Variants in SRP54 observed in about 807,000 individuals in gnomAD.
The protein encoded by SRP54 is signal recognition particle 54.
Under a neutral mutation model 64.8 loss-of-function variants are expected in SRP54, and 10 were observed. That is an observed-to-expected ratio of 0.15 (90% CI 0.10 to 0.26). The LOEUF (loss-of-function observed/expected upper bound fraction) is 0.26, where lower values mean the gene tolerates loss of function less well. SRP54 is among the 10% of genes least tolerant of loss of function. SRP54 has a pLI of 1.00. For synonymous variants in SRP54, 193 were observed against 185.6 expected, an observed-to-expected ratio of 1.04 and a Z score of -0.32; for missense variants, 325 against 613.7, an observed-to-expected ratio of 0.53 and a Z score of 4.97.
At chr14:35,013,923 A>C in intron 10 of SRP54, 21 bp downstream of exon 10, 1 of 1,517,454 alleles carries the variant, frequency 6.6e-7, no homozygotes, top group Non-Finnish European at 9.1e-7. Flanking sequence ...TGGTGGGGAT[A>C]TAGAAAAATC....
In SRP54 at chr14:35,013,362, T is replaced by C; in HGVS notation, c.653T>C (p.Val218Ala). The change falls in exon 9 of 16, where the codon GTT becomes GCT. Residue 218 changes from valine (V) to alanine (A), a missense_variant. Val to Ala is a moderately conservative substitution (Grantham distance 64, BLOSUM62 0). Around this residue, in one of 3 missense-constraint regions of SRP54, gnomAD observed 156 missense variants for 254.6 expected, o/e 0.61. Coordinates refer to ENST00000216774, the MANE Select transcript of SRP54 (RefSeq NM_003136.4). Reference sequence around the variant, plus strand: ...ACTTTCTAGCAACCTGATAACATTGTTTATGTGATGGATGCCTCCATTGGG... The same window carrying C: ...ACTTTCTAGCAACCTGATAACATTGCTTATGTGATGGATGCCTCCATTGGG... ...VANAIQPDNI[V>A]YVMDASIGQA... 2 of 1,613,502 alleles carry C rather than the reference T, an allele frequency of 1.2e-6. No individual in the cohort carries two copies. The highest frequency in any genetic ancestry group is 2.7e-5 in the African/African-American group (2 of 75,008).
At chr14:34,994,295 G>C (rs989651793) in intron 1 of SRP54, among the ~76,000 whole-genome samples, 11 of 152,096 alleles carry the variant, frequency 7.2e-5, no homozygotes, top group Non-Finnish European at 1.2e-4. Flanking sequence ...CACCACGCCT[G>C]GTGCTGTTTC....
At chr14:34,983,781 C>T (rs748962286) in intron 1 of SRP54, among the ~76,000 whole-genome samples, 2 of 152,172 alleles carry the variant, frequency 1.3e-5, no homozygotes, top group Admixed American at 6.5e-5. Flanking sequence ...TATACTTGTT[C>T]TTGGCTACAA....
chr14:35,008,703 T>G lies in SRP54; in HGVS notation c.427+10T>G. ...GACACATTCAGAGCAGGTAATGTCT[T>G]GAAATTTGAAAATTGTTTTATATAA... On this transcript the variant is annotated intron_variant, in intron 6 of 15. Coordinates refer to ENST00000216774, the MANE Select transcript of SRP54 (RefSeq NM_003136.4). The G allele has an allele frequency of 6.2e-7, 1 of 1,606,104 alleles. No homozygotes were observed. Among genetic ancestry groups the G allele is most frequent in the Non-Finnish European group, 8.5e-7 (1 of 1,176,968 alleles).
chr14:35,011,789 T>A (rs930681070), intron 8 of SRP54, 130 bp downstream of exon 8: 2 of 762,608 alleles, frequency 2.6e-6, no homozygotes, highest in Non-Finnish European at 3.8e-6. Context: ...TATTTTTGTT[T>A]TGGGCACCTA....
chr14:35,006,399 GT>G (rs2044258809), intron 4 of SRP54, among the ~76,000 whole-genome samples: 1 of 152,112 alleles, frequency 6.6e-6, no homozygotes, highest in Non-Finnish European at 1.5e-5. Context: ...GCCACATGTG[GT>G]TATTGAGCAT....
Position 35,013,656 on chromosome 14 carries a change from T to C in SRP54, c.786-146T>C, listed in dbSNP as rs752818187. The C allele has an allele frequency of 3.8e-5, 40 of 1,040,066 alleles. No individual in the cohort carries two copies. The African/African-American group carries it at 5.3e-4, about 14-fold the overall frequency. The allele number at this position is 1,040,066 out of a possible 1,614,324, so 64.4% of individuals were successfully genotyped here. On this transcript the variant is annotated intron_variant, in intron 9 of 15. Transcript: ENST00000216774. ...AAACAATTTTGGAGCCTGTCTGATA[T>C]AGGTCTATTATAACTTGTGAAATGA...
At chr14:34,992,855 C>CTTATTTAT (rs139297978) in intron 1 of SRP54, among the ~76,000 whole-genome samples, 26 of 151,404 alleles carry the variant, frequency 1.7e-4, no homozygotes, top group African/African-American at 5.6e-4. Flanking sequence ...ACTAGTATGG[C>CTTATTTAT]TTATTTATTT....
intron 1 of SRP54, among the ~76,000 whole-genome samples, chr14:34,994,496 C>G (rs774932874): frequency 6.6e-6 from 1 of 152,104 alleles, no homozygotes; most frequent in Non-Finnish European, 1.5e-5. Context: ...CCTTTGAAAT[C>G]TCTGTTTCCT....
In SRP54 at chr14:35,001,442, C is replaced by T. The variant is rs1436571718; in HGVS notation, c.255+422C>T. Among the ~76,000 whole-genome samples the T allele has an allele frequency of 2.6e-5, 4 of 152,288 alleles. No individual in the cohort carries two copies. In the South Asian group the frequency reaches 6.2e-4, roughly 24 times the overall value. Reference sequence around the variant, plus strand: ...CTGGGATTATAGGTGTGAACCACTGCACCTGGCCAGGACCTATTTTTATTG... The same window carrying T: ...CTGGGATTATAGGTGTGAACCACTGTACCTGGCCAGGACCTATTTTTATTG... On this transcript the variant is annotated intron_variant, in intron 4 of 15. Coordinates refer to ENST00000216774, the MANE Select transcript of SRP54 (RefSeq NM_003136.4).
At chr14:34,990,309 TAGC>T (rs756902364) in intron 1 of SRP54, among the ~76,000 whole-genome samples, 3 of 152,202 alleles carry the variant, frequency 2.0e-5, no homozygotes, top group Non-Finnish European at 2.9e-5. Context: ...TATTATAGCA[TAGC>T]AGCAAAATTT....
intron 13 of SRP54, among the ~76,000 whole-genome samples, chr14:35,021,440 G>A (rs531496147): frequency 6.6e-6 from 1 of 152,164 alleles, no homozygotes; most frequent in Non-Finnish European, 1.5e-5. Flanking sequence ...GACCAGCCTG[G>A]GCAACATGGT....
At chr14:35,002,488 A>C (rs2044190539) in intron 4 of SRP54, among the ~76,000 whole-genome samples, 2 of 151,426 alleles carry the variant, frequency 1.3e-5, no homozygotes. Context: ...GCTGAAGTGC[A>C]ATGGCATGAT....
chr14:35,018,127 T>C (rs943465064), intron 11 of SRP54, among the ~76,000 whole-genome samples: 3 of 152,202 alleles, frequency 2.0e-5, no homozygotes, highest in Non-Finnish European at 4.4e-5. Context: ...ATTCTGAGTA[T>C]ATCGTTTTTC....
intron 1 of SRP54, among the ~76,000 whole-genome samples, chr14:34,984,942 T>C (rs1260077475): frequency 1.3e-5 from 2 of 151,174 alleles, no homozygotes; most frequent in Non-Finnish European, 2.9e-5. Context: ...ACATATGTCA[T>C]GCATACGAAA....
At chr14:35,001,321 C>G (rs1272174102) in intron 4 of SRP54, among the ~76,000 whole-genome samples, 3 of 151,746 alleles carry the variant, frequency 2.0e-5, no homozygotes, top group African/African-American at 7.3e-5. Flanking sequence ...CCGGCTAATT[C>G]TGTATTTTTA....
Position 35,028,144 on chromosome 14 carries a change from A to G in SRP54, c.1384A>G (p.Met462Val). The G allele has an allele frequency of 6.2e-7, 1 of 1,613,724 alleles. No individual in the cohort carries two copies. Among genetic ancestry groups the G allele is most frequent in the Non-Finnish European group, 8.5e-7 (1 of 1,179,762 alleles). ...ACAGATGGCAAAATTGAACCAACAA[A>G]TGGCCAAAATGATGGATCCTAGGGT... ...QSQMAKLNQQ[M>V]AKMMDPRVLH... is the part of the protein sequence containing the mutation. The change falls in exon 15 of 16, where the codon ATG (methionine) becomes GTG (valine). Residue 462 changes from methionine (M) to valine (V), a missense_variant. Transcript: ENST00000216774.
chr14:35,003,796 C>T (rs1265461048), intron 4 of SRP54, among the ~76,000 whole-genome samples: 21 of 150,474 alleles, frequency 1.4e-4, no homozygotes, highest in African/African-American at 4.2e-4. Flanking sequence ...TAGCTGGGAA[C>T]GATGGCTTAC....
At chr14:35,004,218 C>A (rs2044223007) in intron 4 of SRP54, among the ~76,000 whole-genome samples, 1 of 152,156 alleles carries the variant, frequency 6.6e-6, no homozygotes. Context: ...CCATTGCACC[C>A]AGCCTAGGCC....
Sources: allele counts gnomAD v4.1 joint callset (sites outside exome capture counted in the v4.1 genomes callset), GRCh38; gene constraint gnomAD v4.1.1; regional missense constraint gnomAD v4.1.1; transcripts MANE v1.5; gene names NCBI Gene and HGNC (gene_info 2026-07-23, HGNC 2026-07-21).